The following CDYL variants were observed in gnomAD, a reference collection of about 807,000 sequenced individuals.
The protein encoded by CDYL is chromodomain Y like.
CDYL carries 8 observed loss-of-function variants against 47.3 expected under a neutral mutation model. The observed-to-expected ratio is 0.17, with a 90% confidence interval of 0.10 to 0.31. The LOEUF is 0.31. Among genes scored for constraint, CDYL ranks in the 10% least tolerant of loss-of-function variants. The pLI, the probability that CDYL is intolerant of heterozygous loss-of-function variation, is 1.00. For synonymous variants in CDYL, 266 were observed against 265.0 expected (o/e 1.00, Z -0.04); for missense variants, 471 against 701.4 (o/e 0.67, Z 3.71).
intron 1 of CDYL, among the ~76,000 whole-genome samples, chr6:4,795,975 G>A (rs1352622181): frequency 1.3e-5 from 2 of 151,362 alleles, no homozygotes; most frequent in African/African-American, 2.4e-5. Context: ...TTTTTCCTGA[G>A]ACAGAGTCTT....
upstream of CDYL, among the ~76,000 whole-genome samples, chr6:4,773,549 A>G (rs1312919942): frequency 1.3e-5 from 2 of 152,250 alleles, no homozygotes; most frequent in African/African-American, 4.8e-5. This position sits in a 1 kb window ranked among gnomAD's most constrained non-coding sequence, Gnocchi z 4.6. Context: ...CTTAAAAGTA[A>G]GACAAATTGA....
rs11960952 is a variant in CDYL at position 4,809,997 on chromosome 6, A to G, written c.24+33190A>G. Among the ~76,000 whole-genome samples, 1,347 of 140,240 alleles carry G rather than the reference A, an allele frequency of 9.6e-3. 26 individuals carry two copies. The highest frequency in any genetic ancestry group is 0.033 in the African/African-American group (1,225 of 37,502). 92.0% of individuals were successfully genotyped at this position (140,240 alleles called of 152,430 possible). A position where few individuals can be genotyped will look rare whatever the true frequency, so the allele number is the denominator to read the frequency against. ...GTTAGTCCTTGGTGATATTTTGTATAGTAGGGGTATTATATTAGTCCTTGG... is the reference window on the plus strand; with the variant it reads ...GTTAGTCCTTGGTGATATTTTGTATGGTAGGGGTATTATATTAGTCCTTGG... On this transcript the variant is annotated intron_variant, in intron 1 of 6. Coordinates refer to ENST00000397588, the MANE Select transcript of CDYL (RefSeq NM_004824.4).
chr6:4,837,061 G>GT (rs1397590052), intron 1 of CDYL, among the ~76,000 whole-genome samples: 20 of 152,174 alleles, frequency 1.3e-4, no homozygotes, highest in Non-Finnish European at 4.4e-5. Flanking sequence ...CTTATACATA[G>GT]CAGACACTCT....
At chr6:4,805,446 A>G (rs1759343072) in intron 1 of CDYL, among the ~76,000 whole-genome samples, 1 of 152,194 alleles carries the variant, frequency 6.6e-6, no homozygotes, top group South Asian at 2.1e-4. Flanking sequence ...GGTGTTTAGG[A>G]TCCTCCAGAG....
chr6:4,810,578 GT>G (rs1468660576), intron 1 of CDYL, among the ~76,000 whole-genome samples: 9 of 152,284 alleles, frequency 5.9e-5, no homozygotes, highest in African/African-American at 2.2e-4. Context: ...ACACATCTCA[GT>G]TTTGACTTGC....
At chr6:4,797,769 T>C (rs1759116184) in intron 1 of CDYL, among the ~76,000 whole-genome samples, 2 of 152,230 alleles carry the variant, frequency 1.3e-5, no homozygotes, top group African/African-American at 4.8e-5. Context: ...GACTCATTCC[T>C]TTTTGTAGCT....
chr6:4,746,544 G>A (rs1404095392), intron 3 of CDYL, among the ~76,000 whole-genome samples: 1 of 152,134 alleles, frequency 6.6e-6, no homozygotes, highest in Non-Finnish European at 1.5e-5. Context: ...CTGAGGAGGT[G>A]GAGAGACCAG....
intron 2 of CDYL, among the ~76,000 whole-genome samples, chr6:4,925,784 A>G (rs1221487535): frequency 2.0e-5 from 3 of 152,104 alleles, no homozygotes; most frequent in African/African-American, 2.4e-5. Flanking sequence ...TTCTGAGCCT[A>G]GGAGGTCGGG....
intron 2 of CDYL, among the ~76,000 whole-genome samples, chr6:4,933,982 C>T (rs1019632984): frequency 2.8e-4 from 42 of 152,194 alleles, no homozygotes; most frequent in African/African-American, 9.9e-4. Context: ...ATAGAGGAGC[C>T]ATTCTAAGAT....
chr6:4,740,439 T>C (rs1757777146), intron 3 of CDYL, among the ~76,000 whole-genome samples: 1 of 152,092 alleles, frequency 6.6e-6, no homozygotes, highest in Admixed American at 6.5e-5. Flanking sequence ...CTGCTGAACA[T>C]CCTGAGATTC....
At chr6:4,949,833 C>T (rs959681307) in intron 5 of CDYL, among the ~76,000 whole-genome samples, 4 of 152,216 alleles carry the variant, frequency 2.6e-5, no homozygotes, top group Non-Finnish European at 4.4e-5. Flanking sequence ...GGGTGACTGT[C>T]GTTCAAACCA....
chr6:4,786,837 C>T (rs1395277770), intron 1 of CDYL, among the ~76,000 whole-genome samples: 3 of 152,190 alleles, frequency 2.0e-5, no homozygotes, highest in Non-Finnish European at 2.9e-5. Context: ...TCTCCTCCCT[C>T]TTTCCTGAGT....
Position 4,806,000 on chromosome 6 carries a change from T to G in CDYL, c.24+29193T>G, listed in dbSNP as rs568843823. 1.4e-4 allele frequency among the ~76,000 whole-genome samples: 22 copies of G among 152,366 alleles called. No homozygotes were observed. The South Asian group carries it at 4.3e-3, about 30-fold the overall frequency. On this transcript the variant is annotated intron_variant, in intron 1 of 6. Coordinates refer to ENST00000397588, the MANE Select transcript of CDYL (RefSeq NM_004824.4). ...CAGAGGGGCAGCTGCAGCAAGCCGCTGGCGCAGGAGCATGAGGAAGGAGCT... is the reference window on the plus strand; with the variant it reads ...CAGAGGGGCAGCTGCAGCAAGCCGCGGGCGCAGGAGCATGAGGAAGGAGCT...
At chr6:4,735,641 C>T (rs1358589793) in intron 3 of CDYL, among the ~76,000 whole-genome samples, 2 of 151,994 alleles carry the variant, frequency 1.3e-5, no homozygotes, top group African/African-American at 2.4e-5. Flanking sequence ...TGGTGCACAC[C>T]TGTAATCCCA....
chr6:4,713,850 A>C (rs574986624), intron 1 of CDYL, among the ~76,000 whole-genome samples: 1 of 152,326 alleles, frequency 6.6e-6, no homozygotes, highest in South Asian at 2.1e-4. Context: ...GGCCTCCCAA[A>C]GTGCTGAGAT....
At chr6:4,860,762 A>C (rs1328010192) in intron 1 of CDYL, among the ~76,000 whole-genome samples, 1 of 151,984 alleles carries the variant, frequency 6.6e-6, no homozygotes, top group Non-Finnish European at 1.5e-5. Flanking sequence ...CCCAAACTGA[A>C]GAACTTGGAG....
At position 4,891,985 on chromosome 6, in the gene CDYL, C is replaced by T. The variant is rs142899763; in HGVS notation, c.297C>T (p.Leu99=). The T allele has an allele frequency of 3.0e-5, 48 of 1,614,040 alleles. No homozygotes were observed. In the African/African-American group the frequency reaches 3.3e-4, roughly 11 times the overall value. Residue 99 remains leucine (L), a synonymous_variant, in exon 2 of 7, where the codon CTC becomes CTT. Coordinates refer to ENST00000397588, the MANE Select transcript of CDYL (RefSeq NM_004824.4). ...TTTCTAAGACCTCTCCTAAGGCACT[C>T]GTGATTGGGAAAGACCACGAATCCA... The part of the protein sequence containing the change: ...SNFSKTSPKA[L]VIGKDHESKN...
chr6:4,829,455 G>C (rs111333507), intron 1 of CDYL, among the ~76,000 whole-genome samples: 93 of 152,304 alleles, frequency 6.1e-4, no homozygotes, highest in Non-Finnish European at 1.2e-3. Flanking sequence ...TTAACTCTGT[G>C]ACTCCAGGTT....
At chr6:4,824,061 C>T (rs1186584190) in intron 1 of CDYL, among the ~76,000 whole-genome samples, 1 of 152,218 alleles carries the variant, frequency 6.6e-6, no homozygotes, top group African/African-American at 2.4e-5. Flanking sequence ...CATGTATCAG[C>T]ACTTTATTCC....
Sources: allele counts gnomAD v4.1 joint callset (sites outside exome capture counted in the v4.1 genomes callset), GRCh38; gene constraint gnomAD v4.1.1; non-coding constraint Gnocchi (gnomAD v3.1); transcripts MANE v1.5; gene names NCBI Gene and HGNC (gene_info 2026-07-23, HGNC 2026-07-21).